The following MYO5A variants were observed in gnomAD, a reference collection of about 807,000 sequenced individuals.
MYO5A encodes the protein myosin VA.
In MYO5A, 98 loss-of-function variants were observed where a neutral mutation model predicts 249.7. The observed-to-expected ratio is 0.39, with a 90% CI of 0.33 to 0.46. The LOEUF (loss-of-function observed/expected upper bound fraction) is 0.46. Ranked by LOEUF, MYO5A falls within the 20% of genes least tolerant of loss-of-function variation. The pLI is 0.98. For synonymous variants in MYO5A, 778 were observed against 810.6 expected, an observed-to-expected ratio of 0.96 and a Z score of 0.68; for missense variants, 1,696 against 2,308.8, an observed-to-expected ratio of 0.73 and a Z score of 5.44.
At position 52,343,212 on chromosome 15, in the gene MYO5A, G is replaced by A. The variant is rs890129077; in HGVS notation, c.3960-15C>T. The A allele has an allele frequency of 1.2e-6, 2 of 1,602,518 alleles. No homozygotes were observed. The highest frequency in any genetic ancestry group is 1.7e-6 in the Non-Finnish European group (2 of 1,169,504). Reference sequence around the variant, plus strand: ...GAGCAGATGATCTTCCATGCAAAAGGAACAACAATGCAAAACACAAAAGGA... The same window carrying A: ...GAGCAGATGATCTTCCATGCAAAAGAAACAACAATGCAAAACACAAAAGGA... On this transcript the variant is annotated splice_polypyrimidine_tract_variant and intron_variant, in intron 30 of 41. Coordinates refer to ENST00000399233, the MANE Select transcript of MYO5A (RefSeq NM_001382347.1).
chr15:52,380,883 T>G (rs2041706239), intron 16 of MYO5A, among the ~76,000 whole-genome samples: 2 of 152,210 alleles, frequency 1.3e-5, no homozygotes, highest in Admixed American at 1.3e-4. Flanking sequence ...TCCCCTGGAA[T>G]AAAGACTGGT....
intron 4 of MYO5A, among the ~76,000 whole-genome samples, chr15:52,419,695 C>T (rs924011312): frequency 6.6e-6 from 1 of 152,186 alleles, no homozygotes; most frequent in African/African-American, 2.4e-5. Context: ...TGAGGTCACT[C>T]AGTTCCTGGT....
intron 32 of MYO5A, among the ~76,000 whole-genome samples, chr15:52,338,111 T>G (rs2039203641): frequency 6.6e-6 from 1 of 152,104 alleles, no homozygotes; most frequent in East Asian, 1.9e-4. Flanking sequence ...AAAGAGGCTG[T>G]GGCCAGGATG....
chr15:52,410,839 G>C (rs1306943863), intron 5 of MYO5A, among the ~76,000 whole-genome samples: 1 of 152,134 alleles, frequency 6.6e-6, no homozygotes, highest in Admixed American at 6.5e-5. Context: ...GCCTCCCAAA[G>C]TGCTGGGATT....
At chr15:52,329,858 C>G (rs2038787773) in intron 35 of MYO5A, among the ~76,000 whole-genome samples, 1 of 149,802 alleles carries the variant, frequency 6.7e-6, no homozygotes, top group Non-Finnish European at 1.5e-5. Flanking sequence ...CCCATCTCAG[C>G]CTTTTGAGCA....
At chr15:52,428,313 T>G in intron 3 of MYO5A, 85 bp downstream of exon 3, 1 of 1,400,562 alleles carries the variant, frequency 7.1e-7, no homozygotes, top group South Asian at 1.2e-5. Context: ...AACCACAGCC[T>G]GCTTTCCCCA....
intron 29 of MYO5A, among the ~76,000 whole-genome samples, chr15:52,346,984 T>C (rs933894684): frequency 6.6e-6 from 1 of 151,962 alleles, no homozygotes; most frequent in African/African-American, 2.4e-5. Context: ...TCAGATTATA[T>C]GCTTCAGCAA....
chr15:52,319,247 TG>T lies in MYO5A; in HGVS notation c.5046del (p.Thr1683ProfsTer27). Reference sequence around the variant, plus strand: ...CGGAGGATGGAGTCCAGTGTGTAGGTGCCCTCATCGGCGATACTGGAGGTTC... The same window carrying T: ...CGGAGGATGGAGTCCAGTGTGTAGGTCCCTCATCGGCGATACTGGAGGTTC... ...RKRTSSIADE[G>X]TYTLDSILRQ... On this transcript the variant is annotated frameshift_variant, in exon 39 of 42. Transcript: ENST00000399233. LOFTEE classifies it high-confidence loss of function. The T allele has an allele frequency of 6.2e-7, 1 of 1,614,116 alleles. No homozygotes were observed. Among genetic ancestry groups the T allele is most frequent in the Non-Finnish European group, 8.5e-7 (1 of 1,180,006 alleles).
intron 1 of MYO5A, among the ~76,000 whole-genome samples, chr15:52,506,926 A>C (rs1285436113): frequency 1.3e-5 from 2 of 152,248 alleles, no homozygotes; most frequent in African/African-American, 2.4e-5. Context: ...TTATGATTAC[A>C]ATTTGGCTGC....
chr15:52,444,365 C>T (rs977460047), intron 1 of MYO5A, among the ~76,000 whole-genome samples: 1 of 152,020 alleles, frequency 6.6e-6, no homozygotes, highest in Non-Finnish European at 1.5e-5. Flanking sequence ...AACAGGGAAG[C>T]GAACTATATA....
intron 18 of MYO5A, among the ~76,000 whole-genome samples, chr15:52,378,470 G>A (rs575177577): frequency 1.4e-4 from 17 of 125,428 alleles, no homozygotes; most frequent in Admixed American, 3.0e-4. Context: ...GCAGTGAGCC[G>A]AGATGCCACT....
At chr15:52,350,479 T>C (rs774670202) in intron 28 of MYO5A, among the ~76,000 whole-genome samples, 1 of 152,194 alleles carries the variant, frequency 6.6e-6, no homozygotes, top group Non-Finnish European at 1.5e-5. Flanking sequence ...CAGCTCATTA[T>C]ATATCATGGA....
At position 52,311,904 on chromosome 15, in the gene MYO5A, T is replaced by C. The variant is rs147360109; in HGVS notation, c.*1792A>G. 333 of 146,402 alleles carry C rather than the reference T, an allele frequency of 2.3e-3. 1 individual carries two copies. The highest frequency in any genetic ancestry group is 8.1e-3 in the African/African-American group (319 of 39,342). The allele number at this position is 146,402 out of a possible 1,614,324, so 9.1% of individuals were successfully genotyped here. ...ATCTTTATCACTGATATGAAGCTGT[T>C]TGACTTCCATAAATATTGCACATAT... On this transcript the variant is annotated 3_prime_UTR_variant, in exon 42 of 42. Coordinates refer to ENST00000399233, the MANE Select transcript of MYO5A (RefSeq NM_001382347.1).
In MYO5A at chr15:52,396,890, G is replaced by A. The variant is rs369499722; in HGVS notation, c.1319+311C>T. ...CAGCTAAAGACAGGTACCCAAATAA[G>A]GCAAACTAGCAAATAAAATTAGATT... On this transcript the variant is annotated intron_variant, in intron 10 of 41. Transcript: ENST00000399233. Among the ~76,000 whole-genome samples, 12 of 152,004 alleles carry A rather than the reference G, an allele frequency of 7.9e-5. No homozygotes were observed. In the East Asian group the frequency reaches 1.7e-3, roughly 22 times the overall value.
rs1329382296 is a variant in MYO5A at position 52,308,057 on chromosome 15, T to C, written c.*5639A>G. The C allele has an allele frequency of 6.6e-6, 1 of 152,148 alleles. No individual in the cohort carries two copies. The highest frequency in any genetic ancestry group is 1.5e-5 in the Non-Finnish European group (1 of 67,994). 9.4% of individuals were successfully genotyped at this position (152,148 alleles called of 1,614,324 possible). ...GAAACTGCTGACTCTGAAAAATGCATAAAAATATACTAACCTGCCAAGCAC... is the reference window on the plus strand; with the variant it reads ...GAAACTGCTGACTCTGAAAAATGCACAAAAATATACTAACCTGCCAAGCAC... On this transcript the variant is annotated 3_prime_UTR_variant, in exon 42 of 42. Coordinates refer to ENST00000399233, the MANE Select transcript of MYO5A (RefSeq NM_001382347.1).
At chr15:52,350,223 C>G (rs1444917114) in intron 28 of MYO5A, among the ~76,000 whole-genome samples, 1 of 152,212 alleles carries the variant, frequency 6.6e-6, no homozygotes, top group Non-Finnish European at 1.5e-5. Context: ...TGAGCCACCA[C>G]ACCTGGCCTG....
intron 22 of MYO5A, among the ~76,000 whole-genome samples, chr15:52,369,822 G>C (rs1258168840): frequency 6.8e-6 from 1 of 147,018 alleles, no homozygotes; most frequent in South Asian, 2.2e-4. Flanking sequence ...AGGAGTCTAC[G>C]CCCCAGACTG....
At chr15:52,383,372 C>T (rs2041839558) in intron 15 of MYO5A, among the ~76,000 whole-genome samples, 184 bp from the exon 16 acceptor site, 1 of 152,260 alleles carries the variant, frequency 6.6e-6, no homozygotes, top group East Asian at 1.9e-4. Context: ...TTAAAATTTG[C>T]CTAAATTCTA....
At chr15:52,342,667 T>C (rs532664406) in intron 31 of MYO5A, among the ~76,000 whole-genome samples, 39 of 152,172 alleles carry the variant, frequency 2.6e-4, no homozygotes, top group African/African-American at 8.9e-4. Context: ...GTAATCCCAA[T>C]ACTTTGAGAG....
Sources: allele counts gnomAD v4.1 joint callset (sites outside exome capture counted in the v4.1 genomes callset), GRCh38; gene constraint gnomAD v4.1.1; transcripts MANE v1.5; gene names NCBI Gene and HGNC (gene_info 2026-07-23, HGNC 2026-07-21).